Variants in PDE10A observed in about 807,000 individuals in gnomAD.
PDE10A encodes the protein phosphodiesterase 10A.
Under a neutral mutation model 97.7 loss-of-function variants are expected in PDE10A, and 39 were observed. The observed-to-expected ratio is 0.40, with a 90% CI of 0.31 to 0.52. The LOEUF is 0.52. PDE10A is among the 20% of genes least tolerant of loss of function. The pLI is 0.56. For missense variants in PDE10A, 731 were observed against 1,047.8 expected, an observed-to-expected ratio of 0.70 and a Z score of 4.17; for synonymous variants, 371 against 376.8, an observed-to-expected ratio of 0.98 and a Z score of 0.18.
At chr6:165,949,987 A>G (rs1783901398) in intron 1 of PDE10A, 1 of 152,178 alleles carries the variant, frequency 6.6e-6, no homozygotes, top group Non-Finnish European at 1.5e-5. Context: ...ATGAGGAGGA[A>G]CAAGAATGTT....
intron 1 of PDE10A, among the ~76,000 whole-genome samples, chr6:165,740,782 A>G (rs1260879450): frequency 6.6e-6 from 1 of 152,208 alleles, no homozygotes; most frequent in Non-Finnish European, 1.5e-5. Context: ...AGAATCTTAA[A>G]AAGTCAATCT....
In PDE10A at chr6:165,823,006, G is replaced by A. The variant is rs376219451; in HGVS notation, c.-615+164523C>T. On this transcript the variant is annotated intron_variant, in intron 1 of 19. Transcript: ENST00000366882. ...CTGCCACCACGCCCGGCTAATTTTC[G>A]TATTTTTAGTAGAGATGGGGTTTCA... 2.8e-4 allele frequency among the ~76,000 whole-genome samples: 42 copies of A among 151,866 alleles called. 1 individual carries two copies. Among genetic ancestry groups the A allele is most frequent in the African/African-American group, 9.4e-4 (39 of 41,428 alleles).
rs1413661436 is a variant in PDE10A at position 165,379,180 on chromosome 6, A to C, written c.2783+14T>G. 2.5e-5 allele frequency: 40 copies of C among 1,574,732 alleles called. No homozygotes were observed. Among genetic ancestry groups the C allele is most frequent in the Non-Finnish European group, 3.2e-5 (37 of 1,155,444 alleles). ...CACTTTCTGGGCTTCTAAGCTTTTA[A>C]AAATTATTTTTACCTATGTGATTGA... On this transcript the variant is annotated intron_variant, in intron 18 of 21. Coordinates refer to ENST00000539869, the MANE Select transcript of PDE10A (RefSeq NM_001385079.1).
At chr6:165,844,130 G>GT (rs1489672011) in intron 1 of PDE10A, among the ~76,000 whole-genome samples, 1 of 152,188 alleles carries the variant, frequency 6.6e-6, no homozygotes, top group African/African-American at 2.4e-5. Flanking sequence ...TTTAGTGTGA[G>GT]ATTTTCTGAA....
intron 1 of PDE10A, among the ~76,000 whole-genome samples, chr6:165,933,401 A>G (rs1338156512): frequency 2.0e-5 from 3 of 152,124 alleles, no homozygotes; most frequent in Admixed American, 6.5e-5. Flanking sequence ...ATAAATTTGG[A>G]TATTACCAGG....
At chr6:165,622,732 A>T (rs560227003) in intron 1 of PDE10A, among the ~76,000 whole-genome samples, 1 of 152,332 alleles carries the variant, frequency 6.6e-6, no homozygotes, top group South Asian at 2.1e-4. Flanking sequence ...GAAACCCTGT[A>T]AAGAAAGAAA....
At chr6:165,716,004 G>A (rs920702039) in intron 1 of PDE10A, among the ~76,000 whole-genome samples, 2 of 152,158 alleles carry the variant, frequency 1.3e-5, no homozygotes, top group Non-Finnish European at 2.9e-5. Flanking sequence ...TCCGGCTCCT[G>A]CACTAAAGTG....
chr6:165,494,455 T>TGG (rs147975310), intron 2 of PDE10A, among the ~76,000 whole-genome samples: 324 of 133,872 alleles, frequency 2.4e-3, no homozygotes, highest in East Asian at 0.017. Flanking sequence ...AAAGAAAATG[T>TGG]GGGGGGGGGT....
intron 1 of PDE10A, among the ~76,000 whole-genome samples, chr6:165,943,270 G>A (rs1345279386): frequency 0.039 from 3,390 of 87,646 alleles, 455 homozygotes; most frequent in African/African-American, 0.071. Context: ...AAGGAAGGAA[G>A]GAAGGAAAGA....
chr6:165,524,845 T>C (rs1442656439), intron 2 of PDE10A, among the ~76,000 whole-genome samples: 4 of 152,160 alleles, frequency 2.6e-5, no homozygotes, highest in Admixed American at 1.3e-4. Context: ...AATGGGGACA[T>C]AGAGGAGGAC....
chr6:165,896,660 G>A (rs1438662619), intron 1 of PDE10A, among the ~76,000 whole-genome samples: 1 of 151,770 alleles, frequency 6.6e-6, no homozygotes, highest in African/African-American at 2.4e-5. Context: ...GAGTAGCTGA[G>A]ACTACAGGCG....
At chr6:165,826,332 G>T (rs999017180) in intron 1 of PDE10A, among the ~76,000 whole-genome samples, 1 of 150,240 alleles carries the variant, frequency 6.7e-6, no homozygotes, top group African/African-American at 2.5e-5. Flanking sequence ...GCATCCTTCT[G>T]TCCCCATGTC....
chr6:165,953,911 C>T (rs1784049525), intron 1 of PDE10A, among the ~76,000 whole-genome samples: 1 of 152,296 alleles, frequency 6.6e-6, no homozygotes, highest in Non-Finnish European at 1.5e-5. Context: ...CTGTGTCCCA[C>T]CTCTTCATCT....
intron 1 of PDE10A, among the ~76,000 whole-genome samples, chr6:165,705,983 C>T (rs918662402): frequency 2.6e-5 from 4 of 152,190 alleles, no homozygotes; most frequent in Non-Finnish European, 4.4e-5. Flanking sequence ...GCACATCCAA[C>T]AACTTGGGGG....
At chr6:165,642,100 G>A (rs1296476890) in intron 1 of PDE10A, among the ~76,000 whole-genome samples, 1 of 152,146 alleles carries the variant, frequency 6.6e-6, no homozygotes, top group East Asian at 1.9e-4. Flanking sequence ...CCATGATTCT[G>A]GAAAGCCACG....
intron 1 of PDE10A, among the ~76,000 whole-genome samples, chr6:165,691,188 C>CA (rs1562687170): frequency 1.9e-3 from 16 of 8,404 alleles, no homozygotes; most frequent in African/African-American, 3.2e-3. Context: ...TCTCTCTCTC[C>CA]CTCTCTCTCT....
At chr6:165,660,730 G>A (rs1053966397) in intron 1 of PDE10A, 1 of 152,676 alleles carries the variant, frequency 6.5e-6, no homozygotes, top group African/African-American at 2.4e-5. Context: ...AATCCTGGAA[G>A]AGCGTCGGCC....
At chr6:165,410,937 A>AC (rs1787722446) in intron 13 of PDE10A, among the ~76,000 whole-genome samples, 1 of 46,184 alleles carries the variant, frequency 2.2e-5, no homozygotes, top group Admixed American at 2.0e-4. Flanking sequence ...AAATACAAAA[A>AC]AATAGCCGGG....
intron 4 of PDE10A, among the ~76,000 whole-genome samples, chr6:165,449,862 T>G (rs996295208): frequency 2.6e-5 from 4 of 152,304 alleles, no homozygotes; most frequent in Admixed American, 2.0e-4. Context: ...AAACCATTTC[T>G]TAAATGGTAT....
Sources: allele counts gnomAD v4.1 joint callset (sites outside exome capture counted in the v4.1 genomes callset), GRCh38; gene constraint gnomAD v4.1.1; transcripts MANE v1.5; gene names NCBI Gene and HGNC (gene_info 2026-07-23, HGNC 2026-07-21).